Variants in QNG1 observed in about 807,000 individuals in gnomAD.
QNG1 encodes the protein queuosine 5'-phosphate N-glycosylase/hydrolase.
the QNG1 span, among the ~76,000 whole-genome samples, chr9:83,945,198 G>T: frequency 2.6e-5 from 4 of 151,536 alleles, no homozygotes; most frequent in South Asian, 8.3e-4. Context: ...GAGCCCAGGA[G>T]TTCAAGACCA....
chr9:83,950,602 T>C, the QNG1 span, among the ~76,000 whole-genome samples: 5 of 149,866 alleles, frequency 3.3e-5, no homozygotes, highest in Middle Eastern at 3.4e-3. Flanking sequence ...TTTTCTTTTT[T>C]TTTTTTTTTT....
chr9:83,946,367 T>C, the QNG1 span, among the ~76,000 whole-genome samples: 1 of 152,106 alleles, frequency 6.6e-6, no homozygotes, highest in Admixed American at 6.6e-5. Context: ...TAAGCTCAGG[T>C]CTGAAGAGAA....
At chr9:83,956,675 C>A in the QNG1 span, 1 of 516,470 alleles carries the variant, frequency 1.9e-6, no homozygotes, top group Non-Finnish European at 3.3e-6. Flanking sequence ...TCTCCCGCGG[C>A]GTTGCCCTGA....
At chr9:83,956,542 A>C in the QNG1 span, 1 of 1,482,956 alleles carries the variant, frequency 6.7e-7, no homozygotes, top group Non-Finnish European at 9.0e-7. Context: ...TTCCCGCCCT[A>C]GGCGGGTCAA....
chr9:83,951,575 A>G, the QNG1 span, among the ~76,000 whole-genome samples: 8 of 152,220 alleles, frequency 5.3e-5, no homozygotes, highest in African/African-American at 9.6e-5. Flanking sequence ...CAACAACAAA[A>G]AAACTAAAAA....
At chr9:83,949,948 T>C in the QNG1 span, among the ~76,000 whole-genome samples, 3 of 149,892 alleles carry the variant, frequency 2.0e-5, no homozygotes, top group African/African-American at 7.3e-5. Context: ...ATATAAAGAA[T>C]AGATTATAAT....
the QNG1 span, among the ~76,000 whole-genome samples, chr9:83,948,697 TGTCC>T: frequency 2.7e-4 from 41 of 152,346 alleles, 1 homozygote; most frequent in South Asian, 7.7e-3. Context: ...ATTGTTACTG[TGTCC>T]GTGTAGAAAG....
At chr9:83,952,239 C>T in the QNG1 span, among the ~76,000 whole-genome samples, 1 of 152,218 alleles carries the variant, frequency 6.6e-6, no homozygotes, top group Non-Finnish European at 1.5e-5. Flanking sequence ...TTACCTCAGC[C>T]ACCCAATGTG....
chr9:83,947,138 A>G, the QNG1 span, among the ~76,000 whole-genome samples: 1 of 152,210 alleles, frequency 6.6e-6, no homozygotes, highest in African/African-American at 2.4e-5. Context: ...AAAAACATAG[A>G]TAATTACAAT....
chr9:83,954,805 G>A, the QNG1 span, among the ~76,000 whole-genome samples: 2 of 146,042 alleles, frequency 1.4e-5, no homozygotes, highest in South Asian at 2.2e-4. Flanking sequence ...ACCTGAACCC[G>A]GGAGGCGGAG....
At chr9:83,939,467 T>C in the QNG1 span, 31 of 1,283,990 alleles carry the variant, frequency 2.4e-5, no homozygotes, top group African/African-American at 1.5e-4. Flanking sequence ...GATGATATGA[T>C]ATAAAACGCA....
the QNG1 span, among the ~76,000 whole-genome samples, chr9:83,950,853 G>A: frequency 6.6e-6 from 1 of 151,782 alleles, no homozygotes; most frequent in African/African-American, 2.4e-5. Flanking sequence ...CACCCACCTT[G>A]GCCTCCCAAG....
the QNG1 span, among the ~76,000 whole-genome samples, chr9:83,947,817 C>G: frequency 6.6e-6 from 1 of 152,228 alleles, no homozygotes; most frequent in Non-Finnish European, 1.5e-5. Context: ...ACTCAGTGCT[C>G]AATGTTGCCC....
chr9:83,952,801 AAAAAAAAAAAAC>A, the QNG1 span, among the ~76,000 whole-genome samples: 1 of 150,948 alleles, frequency 6.6e-6, no homozygotes, highest in East Asian at 1.9e-4. Flanking sequence ...TCTGAAAAAA[AAAAAAAAAAAAC>A]AAAAATTAGC....
At chr9:83,952,992 G>A in the QNG1 span, among the ~76,000 whole-genome samples, 1 of 151,646 alleles carries the variant, frequency 6.6e-6, no homozygotes, top group Non-Finnish European at 1.5e-5. Flanking sequence ...AGATTGGCTG[G>A]GCATGGTGGC....
At chr9:83,942,952 A>G in the QNG1 span, among the ~76,000 whole-genome samples, 3 of 152,188 alleles carry the variant, frequency 2.0e-5, no homozygotes, top group African/African-American at 7.2e-5. Flanking sequence ...AGTAGCAGAG[A>G]CAATTAAGTG....
At chr9:83,953,527 TAGTAGAGACGGGGTTTCACC>T in the QNG1 span, 1 of 291,416 alleles carries the variant, frequency 3.4e-6, no homozygotes, top group South Asian at 3.7e-5. Context: ...TTTATATTTT[TAGTAGAGACGGGGTTTCACC>T]ACGTTGGCCA....
the QNG1 span, chr9:83,939,158 C>A: frequency 1.7e-5 from 4 of 233,024 alleles, no homozygotes; most frequent in Non-Finnish European, 3.4e-5. Flanking sequence ...ACTGCAACCT[C>A]CACCTTCTGA....
chr9:83,948,502 C>T, the QNG1 span, among the ~76,000 whole-genome samples: 34 of 144,016 alleles, frequency 2.4e-4, 1 homozygote, highest in Non-Finnish European at 4.0e-4. Context: ...CGGCCACCGC[C>T]CTGTCCGGGA....
Sources: gnomAD v4.1 joint callset for allele counts (sites outside exome capture counted in the v4.1 genomes callset) on GRCh38, gnomAD v4.1.1 for gene constraint, MANE v1.5 for transcripts, NCBI Gene and HGNC (gene_info 2026-07-23, HGNC 2026-07-21) for gene names.